The following IQCM variants were observed in gnomAD, a reference collection of about 807,000 sequenced individuals.
The protein encoded by IQCM is IQ domain-containing protein M.
Under a neutral mutation model 57.6 loss-of-function variants are expected in IQCM, and 45 were observed. The ratio of observed to expected loss-of-function variants is 0.78; its 90% CI spans 0.62 to 1.00. The LOEUF is 1.00. Among genes scored for constraint, IQCM ranks in the 50% least tolerant of loss-of-function variants. The pLI is 0.00. For synonymous variants in IQCM, 148 were observed against 158.9 expected (o/e 0.93, Z 0.51); for missense variants, 468 against 511.6 (o/e 0.91, Z 0.82).
In IQCM at chr4:149,622,503, C is replaced by T. The variant is rs145591727; in HGVS notation, c.566-1259G>A. On this transcript the variant is annotated intron_variant, in intron 7 of 13. Coordinates refer to ENST00000636793, the MANE Select transcript of IQCM (RefSeq NM_001363507.2). Reference sequence around the variant, plus strand: ...GACTACAGGCACCAGCCTCCACGCCCGGCTAATTTTTTGTATTTTTTAGTA... The same window carrying T: ...GACTACAGGCACCAGCCTCCACGCCTGGCTAATTTTTTGTATTTTTTAGTA... 8.4e-3 allele frequency among the ~76,000 whole-genome samples: 1,283 copies of T among 152,132 alleles called. 23 individuals carry two copies. Among genetic ancestry groups the T allele is most frequent in the African/African-American group, 0.03 (1,227 of 41,498 alleles).
chr4:149,387,242 C>T (rs766508341), intron 13 of IQCM, among the ~76,000 whole-genome samples: 6 of 151,988 alleles, frequency 3.9e-5, no homozygotes, highest in Admixed American at 6.6e-5. Context: ...ACAAGCTCCT[C>T]CAGCACTAAT....
At chr4:149,717,674 T>C (rs551083447) in intron 5 of IQCM, among the ~76,000 whole-genome samples, 8 of 152,282 alleles carry the variant, frequency 5.3e-5, no homozygotes, top group South Asian at 2.1e-4. Flanking sequence ...GTTAAAGTAA[T>C]ACAAATGTTA....
chr4:149,467,370 C>G (rs1738963328), intron 12 of IQCM, among the ~76,000 whole-genome samples: 1 of 152,120 alleles, frequency 6.6e-6, no homozygotes, highest in African/African-American at 2.4e-5. Flanking sequence ...TTCGTAATAA[C>G]AACAAATATG....
chr4:149,599,345 C>A (rs1386902282), intron 8 of IQCM, among the ~76,000 whole-genome samples: 1 of 151,992 alleles, frequency 6.6e-6, no homozygotes, highest in Admixed American at 6.6e-5. Flanking sequence ...ATTACATTTA[C>A]ACAAAGTTAT....
At chr4:149,380,414 A>C (rs1730996933) in intron 13 of IQCM, among the ~76,000 whole-genome samples, 1 of 152,164 alleles carries the variant, frequency 6.6e-6, no homozygotes, top group South Asian at 2.1e-4. Context: ...AAGTTATGGC[A>C]ATATGTGACA....
At position 149,773,646 on chromosome 4, in the gene IQCM, C is replaced by G. The variant is rs144456577; in HGVS notation, c.-48-30907G>C. Among the ~76,000 whole-genome samples the G allele has an allele frequency of 8.2e-3, 1,242 of 152,252 alleles. 16 individuals carry two copies. Among genetic ancestry groups the G allele is most frequent in the African/African-American group, 0.029 (1,197 of 41,550 alleles). The stretch of plus-strand genomic sequence containing the variant: ...AGCTGATGTTCCATCATTTAATAGC[C>G]AGTTAGTGATTCTTCTCAGCCACTT... On this transcript the variant is annotated intron_variant, in intron 2 of 13. Coordinates refer to ENST00000636793, the MANE Select transcript of IQCM (RefSeq NM_001363507.2).
chr4:149,773,778 G>C (rs1363279022), intron 2 of IQCM, among the ~76,000 whole-genome samples: 1 of 152,118 alleles, frequency 6.6e-6, no homozygotes, highest in African/African-American at 2.4e-5. Flanking sequence ...TTTCATGCAA[G>C]TGTTCAATAC....
At chr4:149,699,435 C>T (rs1392493839) in intron 5 of IQCM, among the ~76,000 whole-genome samples, 3 of 151,790 alleles carry the variant, frequency 2.0e-5, no homozygotes, top group Non-Finnish European at 4.4e-5. Context: ...CCCGGGTTAC[C>T]CTCTCCAACA....
intron 6 of IQCM, 94 bp from the exon 7 acceptor site, chr4:149,682,300 T>C (rs1467892567): frequency 1.5e-5 from 7 of 459,970 alleles, no homozygotes; most frequent in East Asian, 3.6e-5. Context: ...ATGCTAATCA[T>C]AGAAAACCAC....
intron 13 of IQCM, among the ~76,000 whole-genome samples, chr4:149,430,544 T>C (rs766769072): frequency 4.6e-5 from 7 of 152,048 alleles, no homozygotes; most frequent in African/African-American, 1.7e-4. Context: ...GATTTGTTTC[T>C]GTCACTACTC....
intron 12 of IQCM, among the ~76,000 whole-genome samples, chr4:149,532,507 A>G (rs1579390242): frequency 6.8e-6 from 1 of 147,518 alleles, no homozygotes; most frequent in Non-Finnish European, 1.5e-5. Context: ...AAGGATAATT[A>G]TCTTTTTTTT....
At chr4:149,511,918 G>A (rs1744464315) in intron 12 of IQCM, among the ~76,000 whole-genome samples, 1 of 152,130 alleles carries the variant, frequency 6.6e-6, no homozygotes, top group Non-Finnish European at 1.5e-5. Flanking sequence ...ATTTATGCAT[G>A]CCTTTATTCA....
At chr4:149,800,664 A>C (rs1203218733) in intron 2 of IQCM, among the ~76,000 whole-genome samples, 1 of 152,046 alleles carries the variant, frequency 6.6e-6, no homozygotes, top group Non-Finnish European at 1.5e-5. Context: ...TATAAAGTCA[A>C]CACAGAAAAA....
chr4:149,741,079 A>G (rs1767412930), intron 3 of IQCM, among the ~76,000 whole-genome samples: 1 of 152,198 alleles, frequency 6.6e-6, no homozygotes, highest in African/African-American at 2.4e-5. Flanking sequence ...AAAAAGAGTT[A>G]AAGAACCAAA....
At chr4:149,656,810 A>G (rs1759678606) in intron 7 of IQCM, among the ~76,000 whole-genome samples, 1 of 152,092 alleles carries the variant, frequency 6.6e-6, no homozygotes, top group African/African-American at 2.4e-5. Context: ...TTTTTTTTCC[A>G]GTTGTGGAAA....
chr4:149,533,526 C>T (rs1746967668), intron 12 of IQCM, among the ~76,000 whole-genome samples: 1 of 152,070 alleles, frequency 6.6e-6, no homozygotes, highest in South Asian at 2.1e-4. Flanking sequence ...CTGACAAAGA[C>T]ATACCCGAGA....
chr4:149,811,944 A>G (rs1774601450), intron 2 of IQCM, among the ~76,000 whole-genome samples: 1 of 152,234 alleles, frequency 6.6e-6, no homozygotes, highest in Admixed American at 6.5e-5. Context: ...AAAGAGAAAT[A>G]TATAGGCTTC....
intron 12 of IQCM, among the ~76,000 whole-genome samples, chr4:149,442,993 G>A (rs1736124522): frequency 7.5e-6 from 1 of 132,820 alleles, no homozygotes; most frequent in Non-Finnish European, 1.6e-5. Flanking sequence ...GAGAGAGAGA[G>A]AAAGGAATTT....
chr4:149,765,971 T>C (rs1770006313), intron 2 of IQCM, among the ~76,000 whole-genome samples: 1 of 152,034 alleles, frequency 6.6e-6, no homozygotes, highest in African/African-American at 2.4e-5. Context: ...GCAGCACCCA[T>C]TTCCTAGCCC....
Sources: allele counts gnomAD v4.1 joint callset (sites outside exome capture counted in the v4.1 genomes callset), GRCh38; gene constraint gnomAD v4.1.1; transcripts MANE v1.5; gene names NCBI Gene and HGNC (gene_info 2026-07-23, HGNC 2026-07-21).